Variants in SMYD4 observed in about 807,000 individuals in gnomAD.
SMYD4 encodes protein-lysine N-methyltransferase SMYD4.
Under a neutral mutation model 72.8 loss-of-function variants are expected in SMYD4, and 68 were observed. The observed-to-expected ratio is 0.93, with a 90% CI of 0.77 to 1.14. The LOEUF is 1.14. SMYD4 is among the 50% of genes most tolerant of loss of function. The pLI is 0.00. For missense variants in SMYD4, 984 were observed against 1,003.7 expected (o/e 0.98, Z 0.27); for synonymous variants, 407 against 388.6 (o/e 1.05, Z -0.56).
intron 2 of SMYD4, among the ~76,000 whole-genome samples, chr17:1,818,721 A>G (rs957181204): frequency 2.0e-5 from 3 of 151,898 alleles, no homozygotes; most frequent in Non-Finnish European, 2.9e-5. Context: ...GTGCAGTGGT[A>G]CGACCTCTGC....
At chr17:1,782,268 G>A (rs1028578338) in intron 10 of SMYD4, 1 of 152,076 alleles carries the variant, frequency 6.6e-6, no homozygotes, top group Non-Finnish European at 1.5e-5. Flanking sequence ...TTCTTTGCTG[G>A]GGTTGGTGGG....
At chr17:1,794,081 G>GTGTGTATATA (rs1454228796) in intron 5 of SMYD4, among the ~76,000 whole-genome samples, 4 of 17,124 alleles carry the variant, frequency 2.3e-4, no homozygotes, top group Non-Finnish European at 4.4e-4. Flanking sequence ...ATATATATGT[G>GTGTGTATATA]TATATATATA....
At chr17:1,820,893 T>G (rs905042519) in intron 2 of SMYD4, among the ~76,000 whole-genome samples, 1 of 152,212 alleles carries the variant, frequency 6.6e-6, no homozygotes, top group Non-Finnish European at 1.5e-5. Flanking sequence ...CAGGCATGCA[T>G]GTGGAGATCA....
intron 2 of SMYD4, among the ~76,000 whole-genome samples, chr17:1,816,045 A>G (rs760333786): frequency 6.7e-6 from 1 of 149,644 alleles, no homozygotes; most frequent in African/African-American, 2.5e-5. Flanking sequence ...CATTACATAC[A>G]TTCATATTAT....
rs1908341543 is a variant in SMYD4, at chr17:1,781,176, C to T, written c.*110G>A. 1.4e-5 allele frequency: 19 copies of T among 1,397,824 alleles called. No individual in the cohort carries two copies. Among genetic ancestry groups the T allele is most frequent in the Non-Finnish European group, 1.7e-5 (18 of 1,035,880 alleles). 86.6% of individuals were successfully genotyped at this position (1,397,824 alleles called of 1,614,324 possible). A position where few individuals can be genotyped will look rare whatever the true frequency, so the allele number is the denominator to read the frequency against. ...CATCAGGTGATCCGCCCACCTTAGC[C>T]TCCCAAAGTGCTGGGATTACAGGCG... On this transcript the variant is annotated 3_prime_UTR_variant, in exon 11 of 11. Transcript: ENST00000305513.
chr17:1,804,652 C>A lies in SMYD4; in HGVS notation c.343G>T (p.Ala115Ser). Residue 115 changes from alanine to serine, a missense_variant, in exon 4 of 11, where the codon GCC becomes TCC. Coordinates refer to ENST00000305513, the MANE Select transcript of SMYD4 (RefSeq NM_052928.3). Reference sequence around the variant, plus strand: ...TCATACTGACCCAGGTGGAAGAGGGCTGCCGAGCGGTTAGCATGACACAGT... The same window carrying A: ...TCATACTGACCCAGGTGGAAGAGGGATGCCGAGCGGTTAGCATGACACAGT... ...MSLCHANRSAALFHLGQYETC... is the reference protein window; with the variant it reads ...MSLCHANRSASLFHLGQYETC... The A allele has an allele frequency of 6.2e-7, 1 of 1,613,694 alleles. No individual in the cohort carries two copies. Among genetic ancestry groups the A allele is most frequent in the Non-Finnish European group, 8.5e-7 (1 of 1,179,728 alleles).
Position 1,784,155 on chromosome 17 carries a change from A to G in SMYD4, c.2020+171T>C, listed in dbSNP as rs766933643. On this transcript the variant is annotated intron_variant, in intron 8 of 10. Coordinates refer to ENST00000305513, the MANE Select transcript of SMYD4 (RefSeq NM_052928.3). ...GCCCCTTTTCAAGGGCCCCACAGTA[A>G]CAAAGCTGGTCAGGGTTTGGACTCA... is the stretch of plus-strand genomic sequence containing the variant. 1.8e-4 allele frequency among the ~76,000 whole-genome samples: 28 copies of G among 152,214 alleles called. 1 individual carries two copies. The highest frequency in any genetic ancestry group is 4.4e-5 in the Non-Finnish European group (3 of 68,034).
chr17:1,809,665 G>A (rs1455769394), intron 3 of SMYD4, among the ~76,000 whole-genome samples: 2 of 143,518 alleles, frequency 1.4e-5, no homozygotes, highest in African/African-American at 5.2e-5. Context: ...GTGAGCCACC[G>A]CGCCCGGCCT....
chr17:1,802,445 G>A (rs973707177), intron 4 of SMYD4, among the ~76,000 whole-genome samples: 71 of 152,098 alleles, frequency 4.7e-4, no homozygotes, highest in Admixed American at 4.5e-3. Flanking sequence ...AGTTAGCTAT[G>A]ATCGAGTCAC....
At chr17:1,796,030 G>C (rs1909388674) in intron 5 of SMYD4, among the ~76,000 whole-genome samples, 1 of 151,672 alleles carries the variant, frequency 6.6e-6, no homozygotes. Flanking sequence ...GAACCTCATA[G>C]ATAAAGCCGA....
chr17:1,782,682 G>T (rs62088125), intron 10 of SMYD4: 55,293 of 200,194 alleles, frequency 0.28, 8,572 homozygotes, highest in East Asian at 0.38. Context: ...TATACTGGAG[G>T]GTGGGTGGGG....
At chr17:1,804,482 T>C (rs1597383980) in intron 4 of SMYD4, 144 bp downstream of exon 4, 3 of 704,576 alleles carry the variant, frequency 4.3e-6, no homozygotes, top group Non-Finnish European at 7.1e-6. Flanking sequence ...CGACTTTAGG[T>C]AGATATTAAT....
chr17:1,827,762 C>G (rs922246277), intron 2 of SMYD4, 99 bp downstream of exon 2: 1 of 1,431,726 alleles, frequency 7.0e-7, no homozygotes, highest in African/African-American at 1.4e-5. Context: ...AAGCAAGACT[C>G]AATCTTTATT....
rs1053189395 is a variant in SMYD4, at chr17:1,783,253, C to T, written c.2138-95G>A. ...AGGAAATGGAACGAGAGGGGGAGCA[C>T]CCTCAGTTTACAGAGCGGGGGGTAA... On this transcript the variant is annotated intron_variant, in intron 9 of 10. Coordinates refer to ENST00000305513, the MANE Select transcript of SMYD4 (RefSeq NM_052928.3). 7 of 1,611,344 alleles carry T rather than the reference C, an allele frequency of 4.3e-6. No individual in the cohort carries two copies. In the African/African-American group the frequency reaches 9.4e-5, roughly 22 times the overall value.
chr17:1,801,106 G>A (rs1909724281), intron 4 of SMYD4, 82 bp from the exon 5 acceptor site: 1 of 1,263,532 alleles, frequency 7.9e-7, no homozygotes, highest in South Asian at 1.5e-5. Flanking sequence ...AAAATCTACA[G>A]GAAAGTTAAG....
intron 5 of SMYD4, among the ~76,000 whole-genome samples, chr17:1,790,552 T>C (rs1038109891): frequency 3.3e-5 from 5 of 152,114 alleles, no homozygotes; most frequent in Admixed American, 2.0e-4. Context: ...AGTCTCACTC[T>C]GTCGCCTAGG....
intron 3 of SMYD4, among the ~76,000 whole-genome samples, chr17:1,809,361 T>C (rs1910204053): frequency 7.5e-6 from 1 of 133,742 alleles, no homozygotes; most frequent in Non-Finnish European, 1.8e-5. Context: ...TACATTATTA[T>C]TATTGTTATT....
chr17:1,785,777 A>AAAAAAAAAAAAAG (rs1567765259), intron 7 of SMYD4, among the ~76,000 whole-genome samples: 9 of 12,794 alleles, frequency 7.0e-4, no homozygotes, highest in African/African-American at 2.3e-3. Flanking sequence ...AAAAAAAAAG[A>AAAAAAAAAAAAAG]AAAAAAAAAA....
chr17:1,788,154 C>G (rs1196066906), intron 5 of SMYD4, among the ~76,000 whole-genome samples: 1 of 152,008 alleles, frequency 6.6e-6, no homozygotes, highest in Non-Finnish European at 1.5e-5. Context: ...TCAAGGCCAG[C>G]CTGGACAACA....
Sources: allele counts gnomAD v4.1 joint callset (sites outside exome capture counted in the v4.1 genomes callset), GRCh38; gene constraint gnomAD v4.1.1; transcripts MANE v1.5; gene names NCBI Gene and HGNC (gene_info 2026-07-23, HGNC 2026-07-21).